DCAF8L2: variants seen among roughly 807,000 people sequenced by gnomAD.
DCAF8L2 encodes the protein DDB1- and CUL4-associated factor 8-like protein 2.
For synonymous variants in DCAF8L2, 200 were observed against 190.9 expected, an observed-to-expected ratio of 1.05 and a Z score of -0.39; for missense variants, 430 against 490.7, an observed-to-expected ratio of 0.88 and a Z score of 1.17.
rs975994521 is a variant in DCAF8L2, at chrX:27,716,083, G to T, written c.-142-5G>T. On this transcript the variant is annotated splice_polypyrimidine_tract_variant and splice_region_variant and intron_variant, in intron 3 of 4. Transcript: ENST00000451261. ...GCACTAAAACAATTTATTTTATCCT[G>T]TTAGGAAGCTGCACTGTTGCAGAGG... is the stretch of plus-strand genomic sequence containing the variant. The T allele has an allele frequency of 4.5e-5, 5 of 112,161 alleles. No homozygotes were observed. In the Admixed American group the frequency reaches 4.7e-4, roughly 11 times the overall value. 9.2% of individuals were successfully genotyped at this position (112,161 alleles called of 1,213,427 possible).
the DCAF8L2 span, among the ~76,000 whole-genome samples, chrX:27,573,253 C>CTCTG: frequency 5.2e-5 from 5 of 97,072 alleles, no homozygotes. Flanking sequence ...CTCTCTCTCT[C>CTCTG]TCACACACAC....
chrX:27,695,704 C>G (rs894140230), intron 3 of DCAF8L2, among the ~76,000 whole-genome samples: 13 of 111,236 alleles, frequency 1.2e-4, no homozygotes, highest in African/African-American at 4.2e-4. Context: ...TTAACCAACA[C>G]GTGTGTCCTG....
At chrX:27,529,487 G>T in the DCAF8L2 span, among the ~76,000 whole-genome samples, 1 of 111,787 alleles carries the variant, frequency 8.9e-6, no homozygotes. Flanking sequence ...AATGAGTGTT[G>T]GTTGCTGTTG....
the DCAF8L2 span, among the ~76,000 whole-genome samples, chrX:27,550,312 T>A: frequency 4.5e-5 from 5 of 111,962 alleles, no homozygotes; most frequent in Non-Finnish European, 9.4e-5. Context: ...TATGTGATGT[T>A]TCAATACATG....
the DCAF8L2 span, among the ~76,000 whole-genome samples, chrX:27,545,444 G>A: frequency 1.8e-5 from 2 of 112,278 alleles, no homozygotes; most frequent in East Asian, 5.6e-4. Context: ...TTTACAAAAA[G>A]TCATGAGGAA....
chrX:27,681,583 A>C (rs1930329803), intron 3 of DCAF8L2, among the ~76,000 whole-genome samples: 1 of 112,197 alleles, frequency 8.9e-6, no homozygotes, highest in Non-Finnish European at 1.9e-5. Context: ...TGTTACATAA[A>C]ATATATCAGT....
intron 2 of DCAF8L2, among the ~76,000 whole-genome samples, chrX:27,635,830 T>A (rs895100179): frequency 4.2e-4 from 41 of 98,775 alleles, no homozygotes; most frequent in African/African-American, 1.5e-3. Flanking sequence ...TGTGTGTGTG[T>A]GATGGAGTTT....
At chrX:27,649,730 T>C (rs1679283049) in intron 2 of DCAF8L2, among the ~76,000 whole-genome samples, 1 of 112,232 alleles carries the variant, frequency 8.9e-6, no homozygotes, top group African/African-American at 3.2e-5. Context: ...TATGTAAATA[T>C]CTTCTCTCAT....
At chrX:27,721,296 A>C (rs2147298395) in intron 4 of DCAF8L2, among the ~76,000 whole-genome samples, 1 of 111,919 alleles carries the variant, frequency 8.9e-6, no homozygotes, top group South Asian at 3.6e-4. Context: ...GAGAACAAAA[A>C]GAAGGAAAAG....
At chrX:27,501,752 A>G in the DCAF8L2 span, among the ~76,000 whole-genome samples, 1 of 111,059 alleles carries the variant, frequency 9.0e-6, no homozygotes, top group Non-Finnish European at 1.9e-5. Context: ...AGAAGGTTCC[A>G]GTTTTATGGA....
intron 3 of DCAF8L2, among the ~76,000 whole-genome samples, chrX:27,688,763 A>T (rs1930602211): frequency 8.9e-6 from 1 of 112,010 alleles, no homozygotes; most frequent in Admixed American, 9.5e-5. Context: ...TACAGTCTCT[A>T]ATGATGACAA....
intron 1 of DCAF8L2, among the ~76,000 whole-genome samples, chrX:27,601,017 A>G (rs933618663): frequency 7.3e-5 from 8 of 109,810 alleles, no homozygotes; most frequent in African/African-American, 2.7e-4. Context: ...AGCTCACTGC[A>G]GCCTGGACTT....
intron 4 of DCAF8L2, among the ~76,000 whole-genome samples, chrX:27,744,199 A>G (rs1451136668): frequency 9.0e-6 from 1 of 111,149 alleles, no homozygotes; most frequent in Non-Finnish European, 1.9e-5. Flanking sequence ...GCAATTCACA[A>G]CTTACTCCTG....
the DCAF8L2 span, among the ~76,000 whole-genome samples, chrX:27,473,031 G>A: frequency 9.0e-6 from 1 of 111,573 alleles, no homozygotes; most frequent in Non-Finnish European, 1.9e-5. Flanking sequence ...GAACTCATAA[G>A]AAGTCTTTGT....
intron 2 of DCAF8L2, among the ~76,000 whole-genome samples, chrX:27,671,686 C>T (rs969149297): frequency 9.0e-6 from 1 of 111,506 alleles, no homozygotes; most frequent in African/African-American, 3.3e-5. Context: ...AATCCAAGAC[C>T]CAGAGATATT....
rs189453606 is a variant in DCAF8L2 at position 27,624,607 on chromosome X, C to T, written c.-341-7272C>T. On this transcript the variant is annotated intron_variant, in intron 1 of 4. Coordinates refer to ENST00000451261, the MANE Select transcript of DCAF8L2 (RefSeq NM_001353450.2). ...TCACATTACCCAACTTCAAACTATA[C>T]TACAAGGGTGCAATAACCAAAACAA... is the stretch of plus-strand genomic sequence containing the variant. Among the ~76,000 whole-genome samples the T allele has an allele frequency of 8.1e-5, 9 of 111,330 alleles. No homozygotes were observed. In the East Asian group the frequency reaches 1.7e-3, roughly 21 times the overall value.
At chrX:27,625,862 G>A (rs925580597) in intron 1 of DCAF8L2, among the ~76,000 whole-genome samples, 1 of 110,991 alleles carries the variant, frequency 9.0e-6, no homozygotes, top group Non-Finnish European at 1.9e-5. Context: ...CTATTTGTGA[G>A]TGGAGGGTGG....
chrX:27,728,782 G>A (rs1255190528), intron 4 of DCAF8L2, among the ~76,000 whole-genome samples: 1 of 111,419 alleles, frequency 9.0e-6, no homozygotes, highest in African/African-American at 3.3e-5. Context: ...TGTCTTTTTT[G>A]TCCAGACTTT....
At chrX:27,517,511 GAAAA>G in the DCAF8L2 span, among the ~76,000 whole-genome samples, 1 of 105,556 alleles carries the variant, frequency 9.5e-6, no homozygotes. Flanking sequence ...AAAAAAAAAA[GAAAA>G]GAAAGAATGT....
Sources: gnomAD v4.1 joint callset for allele counts (sites outside exome capture counted in the v4.1 genomes callset) on GRCh38, gnomAD v4.1.1 for gene constraint, MANE v1.5 for transcripts, NCBI Gene and HGNC (gene_info 2026-07-23, HGNC 2026-07-21) for gene names.